The following MSH3 variants were observed in gnomAD, a reference collection of about 807,000 sequenced individuals.
The protein encoded by MSH3 is mutS homolog 3, also known as DNA mismatch repair protein Msh3.
Under a neutral mutation model 123.3 loss-of-function variants are expected in MSH3, and 106 were observed. That is an observed-to-expected ratio of 0.86 (90% CI 0.73 to 1.01). MSH3 has a LOEUF of 1.01. MSH3 is among the 50% of genes least tolerant of loss of function. MSH3 has a pLI of 0.00. For synonymous variants in MSH3, 515 were observed against 481.4 expected (o/e 1.07, Z -0.91); for missense variants, 1,459 against 1,347.6 (o/e 1.08, Z -1.29).
Position 80,852,240 on chromosome 5 carries a change from G to A in MSH3, c.2814-1890G>A, listed in dbSNP as rs895691092. Among the ~76,000 whole-genome samples the A allele has an allele frequency of 3.9e-5, 6 of 152,260 alleles. No individual in the cohort carries two copies. In the South Asian group the frequency reaches 1.2e-3, roughly 32 times the overall value. ...ATTCAGGAGTCTGAGGTGGGCACTC[G>A]CTTGAGCCTGGGAGGTTGAGGCTGC... On this transcript the variant is annotated intron_variant, in intron 20 of 23. Coordinates refer to ENST00000265081, the MANE Select transcript of MSH3 (RefSeq NM_002439.5).
intron 3 of MSH3, among the ~76,000 whole-genome samples, chr5:80,667,080 T>C (rs1034082349): frequency 2.6e-5 from 4 of 152,144 alleles, no homozygotes; most frequent in African/African-American, 9.7e-5. Flanking sequence ...ACCCCTGAAC[T>C]TAAAATGAAA....
At chr5:80,712,314 C>A (rs1750877986) in intron 8 of MSH3, among the ~76,000 whole-genome samples, 1 of 152,004 alleles carries the variant, frequency 6.6e-6, no homozygotes, top group Admixed American at 6.5e-5. Flanking sequence ...TATTTTAGTT[C>A]AAAAAATGGA....
chr5:80,782,857 T>G (rs1367433661), intron 17 of MSH3, among the ~76,000 whole-genome samples: 14 of 152,174 alleles, frequency 9.2e-5, no homozygotes, highest in Non-Finnish European at 1.6e-4. Flanking sequence ...CAAATGTATT[T>G]GTCACTTACT....
intron 20 of MSH3, among the ~76,000 whole-genome samples, chr5:80,848,877 TC>T (rs1745776667): frequency 6.6e-6 from 1 of 152,056 alleles, no homozygotes; most frequent in African/African-American, 2.4e-5. Flanking sequence ...TTCCCAACAG[TC>T]CCCTGGGGTG....
chr5:80,767,872 C>G, intron 13 of MSH3, 61 bp from the exon 14 acceptor site: 1 of 1,294,490 alleles, frequency 7.7e-7, no homozygotes, highest in Non-Finnish European at 1.1e-6. Context: ...TTAAAAGTCA[C>G]TAATTAAACT....
Position 80,869,011 on chromosome 5 carries a change from C to A in MSH3, c.3130+4069C>A, listed in dbSNP as rs547054029. Among the ~76,000 whole-genome samples the A allele has an allele frequency of 2.0e-5, 3 of 152,088 alleles. No individual in the cohort carries two copies. The East Asian group carries it at 5.8e-4, about 29-fold the overall frequency. ...GTCATCAGTAAAATGCCCCACAGGT[C>A]TTTTGGATGGCTTCTATAATACTCT... On this transcript the variant is annotated intron_variant, in intron 22 of 23. Transcript: ENST00000265081.
intron 16 of MSH3, among the ~76,000 whole-genome samples, chr5:80,777,086 C>G: frequency 6.6e-6 from 1 of 151,822 alleles, no homozygotes; most frequent in East Asian, 1.9e-4. Flanking sequence ...CACCTGCCAC[C>G]ACAGACGGCT....
At chr5:80,737,012 A>G (rs1438390500) in intron 10 of MSH3, among the ~76,000 whole-genome samples, 1 of 152,220 alleles carries the variant, frequency 6.6e-6, no homozygotes, top group Non-Finnish European at 1.5e-5. Flanking sequence ...TAGACTCAAC[A>G]TACACCTTTC....
intron 1 of MSH3, among the ~76,000 whole-genome samples, chr5:80,655,794 ACTC>A (rs2112800764): frequency 6.6e-6 from 1 of 151,874 alleles, no homozygotes; most frequent in African/African-American, 2.4e-5. Context: ...TAAAATGATT[ACTC>A]CTCTTCTGTT....
In MSH3 at chr5:80,686,310, C is replaced by A. The variant is rs1750088682; in HGVS notation, c.1340+7217C>A. On this transcript the variant is annotated intron_variant, in intron 8 of 23. Coordinates refer to ENST00000265081, the MANE Select transcript of MSH3 (RefSeq NM_002439.5). ...TATCCAGCTGCTATTTTTTTTCTCT[C>A]TCTTTTTTTTGAGACAGAGTCTTGC... Among the ~76,000 whole-genome samples the A allele has an allele frequency of 2.0e-5, 3 of 152,038 alleles. No individual in the cohort carries two copies. In the South Asian group the frequency reaches 6.2e-4, roughly 32 times the overall value.
At chr5:80,807,582 T>C (rs245394) in intron 19 of MSH3, among the ~76,000 whole-genome samples, 129,069 of 152,218 alleles carry the variant, frequency 0.85, 54,786 homozygotes, top group East Asian at 1. Flanking sequence ...GTGCGGCAGA[T>C]TTGTTTATCA....
rs1453612161 is a variant in MSH3, at chr5:80,768,818, A to G, written c.2085-17A>G. The G allele has an allele frequency of 4.4e-6, 7 of 1,585,146 alleles. No homozygotes were observed. Among genetic ancestry groups the G allele is most frequent in the African/African-American group, 2.7e-5 (2 of 74,180 alleles). On this transcript the variant is annotated splice_polypyrimidine_tract_variant and intron_variant, in intron 14 of 23. Transcript: ENST00000265081. ...TAATAAACTTCGAATATGTATTTGC[A>G]TGTTTTGATTTTTTAGAGTTGGGGA...
At chr5:80,746,977 T>C (rs1425228824) in intron 12 of MSH3, among the ~76,000 whole-genome samples, 2 of 152,194 alleles carry the variant, frequency 1.3e-5, no homozygotes, top group Admixed American at 6.5e-5. Context: ...CGATTTCTTT[T>C]CTTAGCCATA....
chr5:80,745,125 A>G (rs940572683), intron 12 of MSH3, among the ~76,000 whole-genome samples: 6 of 152,178 alleles, frequency 3.9e-5, no homozygotes, highest in African/African-American at 1.4e-4. Flanking sequence ...GGAGCTCCCT[A>G]AGGGAAGATA....
intron 19 of MSH3, among the ~76,000 whole-genome samples, chr5:80,812,741 T>C (rs189161748): frequency 6.6e-6 from 1 of 152,130 alleles, no homozygotes; most frequent in Admixed American, 6.5e-5. Context: ...CTAATTTTTG[T>C]ATAGTTGGGG....
chr5:80,693,600 C>G (rs1413472935), intron 8 of MSH3, among the ~76,000 whole-genome samples: 3 of 44,152 alleles, frequency 6.8e-5, no homozygotes, highest in Non-Finnish European at 1.4e-4. Flanking sequence ...TATATATAAA[C>G]ATACATATAT....
chr5:80,711,689 C>T (rs1353104202), intron 8 of MSH3, among the ~76,000 whole-genome samples: 1 of 151,682 alleles, frequency 6.6e-6, no homozygotes, highest in Non-Finnish European at 1.5e-5. Flanking sequence ...GTGTCTCATT[C>T]TGTTGCCCAG....
At chr5:80,845,848 A>C (rs1240597824) in intron 20 of MSH3, among the ~76,000 whole-genome samples, 3 of 152,086 alleles carry the variant, frequency 2.0e-5, no homozygotes, top group Admixed American at 2.0e-4. Context: ...GGGTTAGAAC[A>C]TGCTCCTTTT....
chr5:80,839,161 G>A (rs1158599429), intron 20 of MSH3, among the ~76,000 whole-genome samples: 1 of 152,150 alleles, frequency 6.6e-6, no homozygotes, highest in African/African-American at 2.4e-5. Flanking sequence ...GAGGCGAGGA[G>A]TTTGAGACCA....
Sources: gnomAD v4.1 joint callset for allele counts (sites outside exome capture counted in the v4.1 genomes callset) on GRCh38, gnomAD v4.1.1 for gene constraint, MANE v1.5 for transcripts, NCBI Gene and HGNC (gene_info 2026-07-23, HGNC 2026-07-21) for gene names.